TMCC2: variants seen among roughly 807,000 people sequenced by gnomAD.
The protein encoded by TMCC2 is transmembrane and coiled-coil domains protein 2.
Under a neutral mutation model 49.4 loss-of-function variants are expected in TMCC2, and 16 were observed. The ratio of observed to expected loss-of-function variants is 0.32; its 90% CI spans 0.22 to 0.49. TMCC2 has a LOEUF of 0.49. Among genes scored for constraint, TMCC2 ranks in the 20% least tolerant of loss-of-function variants. The pLI, the probability that TMCC2 is intolerant of heterozygous loss-of-function variation, is 0.99. For missense variants in TMCC2, 762 were observed against 989.8 expected (o/e 0.77, Z 3.09); for synonymous variants, 397 against 434.1 (o/e 0.91, Z 1.06).
At chr1:205,256,541 C>T (rs1660878966) in intron 2 of TMCC2, 4 of 982,230 alleles carry the variant, frequency 4.1e-6, no homozygotes, top group Middle Eastern at 2.2e-4. Flanking sequence ...ATTTCTGGGA[C>T]AGGATCTCAG....
At chr1:205,228,823 C>T (rs1429161980) in intron 1 of TMCC2, 52 bp downstream of exon 1, 5 of 1,534,848 alleles carry the variant, frequency 3.3e-6, no homozygotes, top group Non-Finnish European at 4.4e-6. Flanking sequence ...TAGCTCTCGC[C>T]ACCCCACGCA....
chr1:205,230,431 G>C (rs1401107262), intron 1 of TMCC2, among the ~76,000 whole-genome samples: 3 of 152,150 alleles, frequency 2.0e-5, no homozygotes. Flanking sequence ...GTTTATCTCT[G>C]CTGTCACCCC....
chr1:205,256,238 TCTG>T, intron 2 of TMCC2: 1 of 1,516,362 alleles, frequency 6.6e-7, no homozygotes, highest in Non-Finnish European at 8.8e-7. Context: ...GAACGACAGT[TCTG>T]CTGTGAGAAG....
chr1:205,245,478 A>G (rs1489372492), intron 2 of TMCC2, among the ~76,000 whole-genome samples: 2 of 152,238 alleles, frequency 1.3e-5, no homozygotes, highest in Non-Finnish European at 2.9e-5. Flanking sequence ...TTCCAGCGTC[A>G]GAGTTCCAAG....
chr1:205,272,278 C>G lies in TMCC2; in HGVS notation c.*154C>G. The G allele has an allele frequency of 7.2e-7, 1 of 1,386,464 alleles. No individual in the cohort carries two copies. 85.9% of individuals were successfully genotyped at this position (1,386,464 alleles called of 1,614,324 possible). Reference sequence around the variant, plus strand: ...CCCCCTTCTCTGTACTTGCTTCTGTCTGACACCTTCTCCCTGTTGGCCTGA... The same window carrying G: ...CCCCCTTCTCTGTACTTGCTTCTGTGTGACACCTTCTCCCTGTTGGCCTGA... On this transcript the variant is annotated 3_prime_UTR_variant, in exon 5 of 5. Coordinates refer to ENST00000358024, the MANE Select transcript of TMCC2 (RefSeq NM_014858.4).
chr1:205,269,342 G>A lies in TMCC2; in HGVS notation c.1140G>A (p.Met380Ile). 1 of 1,613,048 alleles carries A rather than the reference G, an allele frequency of 6.2e-7. No homozygotes were observed. The highest frequency in any genetic ancestry group is 8.5e-7 in the Non-Finnish European group (1 of 1,179,760). ...SRQPKDVLRD[M>I]QQGLKDVGAN... Reference sequence around the variant, plus strand: ...AGCCCAAGGACGTGCTGCGGGACATGCAGCAGGGGCTGAAGGACGTGGGCG... The same window carrying A: ...AGCCCAAGGACGTGCTGCGGGACATACAGCAGGGGCTGAAGGACGTGGGCG... Residue 380 changes from methionine to isoleucine, a missense_variant, in exon 3 of 5, where the codon ATG becomes ATA. By Grantham distance (10) the Met-to-Ile change is conservative (BLOSUM62 1). This residue lies in a region of TMCC2 where 440 missense variants were observed against 636.7 expected (regional missense o/e 0.69). Transcript: ENST00000358024.
chr1:205,260,892 C>A (rs1661083807), intron 2 of TMCC2, among the ~76,000 whole-genome samples: 1 of 152,164 alleles, frequency 6.6e-6, no homozygotes. Context: ...TATTTCATTG[C>A]AAGAAATGTC....
At chr1:205,261,495 G>C (rs1661113300) in intron 2 of TMCC2, among the ~76,000 whole-genome samples, 2 of 151,996 alleles carry the variant, frequency 1.3e-5, no homozygotes. Flanking sequence ...GAGCCGCTGT[G>C]TGCAGCCCAC....
At chr1:205,265,576 T>C (rs887279009) in intron 2 of TMCC2, among the ~76,000 whole-genome samples, 1 of 151,638 alleles carries the variant, frequency 6.6e-6, no homozygotes, top group Admixed American at 6.6e-5. Flanking sequence ...TTTTTTTTTT[T>C]TTTGAGACGG....
chr1:205,256,190 T>C, intron 2 of TMCC2: 1 of 1,453,864 alleles, frequency 6.9e-7, no homozygotes, highest in South Asian at 1.4e-5. Flanking sequence ...CTGGAGTTCC[T>C]CACCAGACTC....
intron 2 of TMCC2, among the ~76,000 whole-genome samples, chr1:205,245,565 G>A (rs1178777101): frequency 9.2e-5 from 14 of 152,180 alleles, no homozygotes; most frequent in Admixed American, 9.2e-4. Flanking sequence ...GTTTTAAATT[G>A]TCCTCTCATC....
intron 2 of TMCC2, among the ~76,000 whole-genome samples, chr1:205,254,658 G>T (rs1249953218): frequency 6.6e-6 from 1 of 152,172 alleles, no homozygotes; most frequent in African/African-American, 2.4e-5. Context: ...TGCTCTTGGA[G>T]TGGAGCTATA....
intron 1 of TMCC2, among the ~76,000 whole-genome samples, chr1:205,238,027 A>G (rs990903936): frequency 1.3e-5 from 2 of 152,198 alleles, no homozygotes; most frequent in Non-Finnish European, 2.9e-5. Context: ...CAGCTCTCTA[A>G]TGCATGGCTT....
At chr1:205,238,004 C>T (rs1026385134) in intron 1 of TMCC2, among the ~76,000 whole-genome samples, 13 of 152,226 alleles carry the variant, frequency 8.5e-5, no homozygotes, top group South Asian at 8.3e-4. Context: ...CCACCTCTAA[C>T]TCTGAAGCAT....
At chr1:205,265,265 C>T (rs72743290) in intron 2 of TMCC2, among the ~76,000 whole-genome samples, 10,964 of 152,304 alleles carry the variant, frequency 0.072, 547 homozygotes, top group Non-Finnish European at 0.11. Context: ...TTCTTCTCCT[C>T]TCATTAATGG....
At chr1:205,260,098 A>G (rs901553279) in intron 2 of TMCC2, among the ~76,000 whole-genome samples, 8 of 152,318 alleles carry the variant, frequency 5.3e-5, no homozygotes, top group Admixed American at 1.3e-4. Flanking sequence ...CTCTCCCTCC[A>G]CGGTTCTCCT....
In TMCC2 at chr1:205,254,843, T is replaced by A. The variant is rs543272585; in HGVS notation, c.747+12799T>A. ...GTGAACCCCAGGGCTCTCAGCTCAC[T>A]CGGCCCCTCCCCACCTGTCTCCTGC... is the stretch of plus-strand genomic sequence containing the variant. On this transcript the variant is annotated intron_variant, in intron 2 of 4. Transcript: ENST00000358024. Among the ~76,000 whole-genome samples the A allele has an allele frequency of 9.2e-5, 14 of 152,266 alleles. 1 individual carries two copies. The South Asian group carries it at 2.9e-3, about 32-fold the overall frequency.
In TMCC2 at chr1:205,259,709, C is replaced by A. The variant is rs368018392; in HGVS notation, c.748-9241C>A. On this transcript the variant is annotated intron_variant, in intron 2 of 4. Coordinates refer to ENST00000358024, the MANE Select transcript of TMCC2 (RefSeq NM_014858.4). ...TTCAGGCCCTGGGAGGAGGTGGAAA[C>A]CCCAGGAAGTTCCACGGGAGCCAGG... is the stretch of plus-strand genomic sequence containing the variant. Among the ~76,000 whole-genome samples, 20 of 152,310 alleles carry A rather than the reference C, an allele frequency of 1.3e-4. No individual in the cohort carries two copies. The East Asian group carries it at 3.9e-3, about 29-fold the overall frequency.
In TMCC2 at chr1:205,271,910, C is replaced by T. The variant is rs149286184; in HGVS notation, c.1916C>T (p.Ala639Val). ...VQLEGVENAN[A>V]RALLGKFINV... is the part of the protein sequence containing the mutation. Reference sequence around the variant, plus strand: ...CTGGAGGGCGTGGAGAATGCCAACGCGCGGGCGCTGCTGGGCAAGTTCATC... The same window carrying T: ...CTGGAGGGCGTGGAGAATGCCAACGTGCGGGCGCTGCTGGGCAAGTTCATC... Residue 639 changes from alanine (A) to valine (V), a missense_variant, in exon 5 of 5, where the codon GCG becomes GTG. Transcript: ENST00000358024. 2.0e-5 allele frequency: 32 copies of T among 1,614,056 alleles called. No individual in the cohort carries two copies. In the African/African-American group the frequency reaches 3.3e-4, roughly 17 times the overall value.
Sources: allele counts gnomAD v4.1 joint callset (sites outside exome capture counted in the v4.1 genomes callset), GRCh38; gene constraint gnomAD v4.1.1; regional missense constraint gnomAD v4.1.1; transcripts MANE v1.5; gene names NCBI Gene and HGNC (gene_info 2026-07-23, HGNC 2026-07-21).